Variants in DCLK1 observed in about 807,000 individuals in gnomAD.
The protein encoded by DCLK1 is serine/threonine-protein kinase DCLK1.
DCLK1 carries 16 observed loss-of-function variants against 86.2 expected under a neutral mutation model. The ratio of observed to expected loss-of-function variants is 0.19; its 90% CI spans 0.13 to 0.28. DCLK1 has a LOEUF of 0.28. Ranked by LOEUF, DCLK1 falls within the 10% of genes least tolerant of loss-of-function variation. The probability of loss-of-function intolerance (pLI) is 1.00; values close to 1 mark genes in which losing one functional copy is unlikely to be tolerated. For synonymous variants in DCLK1, 369 were observed against 370.5 expected (o/e 1.00, Z 0.05); for missense variants, 590 against 940.2 (o/e 0.63, Z 4.87).
chr13:36,049,529 T>C (rs1365393986), intron 3 of DCLK1, among the ~76,000 whole-genome samples: 1 of 152,142 alleles, frequency 6.6e-6, no homozygotes, highest in African/African-American at 2.4e-5. Context: ...GGCTGTCCCA[T>C]GTGGTCTAAC....
chr13:35,881,221 A>G (rs1251962619), intron 4 of DCLK1, among the ~76,000 whole-genome samples: 1 of 152,208 alleles, frequency 6.6e-6, no homozygotes, highest in Admixed American at 6.5e-5. Context: ...AAGCCAAACA[A>G]TAACCCTTGT....
intron 3 of DCLK1, among the ~76,000 whole-genome samples, chr13:35,994,496 C>T (rs1880387689): frequency 6.6e-6 from 1 of 152,112 alleles, no homozygotes; most frequent in African/African-American, 2.4e-5. Context: ...AACACAAACT[C>T]AAAGCTAATA....
At chr13:35,811,608 TG>T (rs2087146575) in intron 11 of DCLK1, among the ~76,000 whole-genome samples, 1 of 152,118 alleles carries the variant, frequency 6.6e-6, no homozygotes, top group African/African-American at 2.4e-5. Flanking sequence ...CCAAGGCAGG[TG>T]GATCACCTGA....
In DCLK1 at chr13:36,024,447, T is replaced by C. The variant is rs1250272354; in HGVS notation, c.724-76990A>G. Reference sequence around the variant, plus strand: ...TGTATTTCTATAAACTAACGAGAAATCTAAAAATAAATTTAAGGAACAATT... The same window carrying C: ...TGTATTTCTATAAACTAACGAGAAACCTAAAAATAAATTTAAGGAACAATT... On this transcript the variant is annotated intron_variant, in intron 3 of 16. Coordinates refer to ENST00000360631, the MANE Select transcript of DCLK1 (RefSeq NM_001330071.2). Among the ~76,000 whole-genome samples the C allele has an allele frequency of 2.6e-5, 4 of 152,030 alleles. No individual in the cohort carries two copies. In the East Asian group the frequency reaches 7.7e-4, roughly 29 times the overall value.
chr13:35,976,907 C>T (rs903099503), intron 3 of DCLK1, among the ~76,000 whole-genome samples: 2 of 152,180 alleles, frequency 1.3e-5, no homozygotes, highest in Non-Finnish European at 1.5e-5. Context: ...CACAAATGAA[C>T]AGACCACGGC....
At chr13:35,942,356 T>C (rs1309058560) in intron 4 of DCLK1, among the ~76,000 whole-genome samples, 1 of 152,070 alleles carries the variant, frequency 6.6e-6, no homozygotes, top group Non-Finnish European at 1.5e-5. Flanking sequence ...TTAGTAGAGA[T>C]GGGGTTTCAC....
In DCLK1 at chr13:35,774,827, T is replaced by C. The variant is rs1018065486; in HGVS notation, c.2059-128A>G. ...AGTTCACCTGTCCATCATGGCACACTTTTTGTTGACAGTCACCACTCTCAG... is the reference window on the plus strand; with the variant it reads ...AGTTCACCTGTCCATCATGGCACACCTTTTGTTGACAGTCACCACTCTCAG... On this transcript the variant is annotated intron_variant, in intron 16 of 16. Coordinates refer to ENST00000360631, the MANE Select transcript of DCLK1 (RefSeq NM_001330071.2). The C allele has an allele frequency of 1.4e-5, 15 of 1,080,094 alleles. 1 individual carries two copies. The Admixed American group carries it at 3.7e-4, about 27-fold the overall frequency. 66.9% of individuals were successfully genotyped at this position (1,080,094 alleles called of 1,614,324 possible).
chr13:35,914,437 C>T (rs945332406), intron 4 of DCLK1, among the ~76,000 whole-genome samples: 2 of 146,408 alleles, frequency 1.4e-5, no homozygotes, highest in Admixed American at 6.8e-5. Context: ...CTAACCAAGG[C>T]CAGACACAGT....
chr13:36,039,300 C>T (rs1348327047), intron 3 of DCLK1, among the ~76,000 whole-genome samples: 1 of 152,164 alleles, frequency 6.6e-6, no homozygotes, highest in Non-Finnish European at 1.5e-5. Context: ...ATCCTCTGAA[C>T]AAAATCTGTG....
chr13:35,953,774 C>T (rs1877828973), intron 3 of DCLK1, among the ~76,000 whole-genome samples: 2 of 152,194 alleles, frequency 1.3e-5, no homozygotes, highest in African/African-American at 4.8e-5. Flanking sequence ...TCCATGGTGA[C>T]GCTGACTTCA....
At chr13:35,982,433 G>GGAGGGAGGGA (rs1566631731) in intron 3 of DCLK1, among the ~76,000 whole-genome samples, 1 of 21,692 alleles carries the variant, frequency 4.6e-5, no homozygotes, top group African/African-American at 1.5e-4. Context: ...AGAGAGAGAG[G>GGAGGGAGGGA]GGGAGGGAGG....
At chr13:36,032,804 C>T (rs1882338085) in intron 3 of DCLK1, among the ~76,000 whole-genome samples, 1 of 152,220 alleles carries the variant, frequency 6.6e-6, no homozygotes, top group Non-Finnish European at 1.5e-5. Context: ...TTTGCTCCTG[C>T]TCCACTTTCC....
intron 4 of DCLK1, among the ~76,000 whole-genome samples, chr13:35,876,308 T>C (rs1488800769): frequency 2.0e-5 from 3 of 152,174 alleles, no homozygotes; most frequent in Non-Finnish European, 4.4e-5. Context: ...AGTCATATTG[T>C]GGATTAGAAT....
chr13:35,948,136 T>G (rs954433577), intron 3 of DCLK1, among the ~76,000 whole-genome samples: 6 of 152,194 alleles, frequency 3.9e-5, no homozygotes, highest in African/African-American at 1.4e-4. Context: ...TACTCTCCAA[T>G]GAGAACTTTA....
At chr13:36,063,977 G>A (rs551285767) in intron 3 of DCLK1, among the ~76,000 whole-genome samples, 1 of 152,254 alleles carries the variant, frequency 6.6e-6, no homozygotes, top group African/African-American at 2.4e-5. Flanking sequence ...CTGAAGGGTA[G>A]GTTTTGGCAC....
chr13:35,834,070 C>T (rs1408032202), intron 8 of DCLK1, among the ~76,000 whole-genome samples: 1 of 152,206 alleles, frequency 6.6e-6, no homozygotes, highest in African/African-American at 2.4e-5. Context: ...AGAAACAGCA[C>T]ATGCCACCAT....
chr13:35,773,257 A>C lies in DCLK1; in HGVS notation c.*1278T>G, dbSNP rs978786131. ...GACTTGGCCCAAAGACAGAAAAAAC[A>C]CTCTGACCTCCTGGACAGCTAAAGA... On this transcript the variant is annotated 3_prime_UTR_variant, in exon 17 of 17. Coordinates refer to ENST00000360631, the MANE Select transcript of DCLK1 (RefSeq NM_001330071.2). 27 of 152,482 alleles carry C rather than the reference A, an allele frequency of 1.8e-4. No homozygotes were observed. The highest frequency in any genetic ancestry group is 6.3e-4 in the African/African-American group (26 of 41,452). 9.4% of individuals were successfully genotyped at this position (152,482 alleles called of 1,614,324 possible). A position where few individuals can be genotyped will look rare whatever the true frequency, so the allele number is the denominator to read the frequency against.
chr13:36,112,966 C>G (rs1000716967), intron 2 of DCLK1, among the ~76,000 whole-genome samples: 1 of 152,080 alleles, frequency 6.6e-6, no homozygotes, highest in Non-Finnish European at 1.5e-5. Flanking sequence ...GTAGATCACA[C>G]ACACAAAAAA....
At chr13:36,008,127 C>T (rs1881075980) in intron 3 of DCLK1, among the ~76,000 whole-genome samples, 1 of 141,464 alleles carries the variant, frequency 7.1e-6, no homozygotes, top group Non-Finnish European at 1.5e-5. Flanking sequence ...TAACACTGAA[C>T]TTCTCTCTAA....
Sources: gnomAD v4.1 joint callset for allele counts (sites outside exome capture counted in the v4.1 genomes callset) on GRCh38, gnomAD v4.1.1 for gene constraint, MANE v1.5 for transcripts, NCBI Gene and HGNC (gene_info 2026-07-23, HGNC 2026-07-21) for gene names.